The following RNF19A variants were observed in gnomAD, a reference collection of about 807,000 sequenced individuals.
RNF19A encodes the protein ring finger protein 19A, RBR E3 ubiquitin protein ligase, also known as E3 ubiquitin-protein ligase RNF19A.
In RNF19A, 32 loss-of-function variants were observed where a neutral mutation model predicts 75.7. The observed-to-expected ratio is 0.42, with a 90% CI of 0.32 to 0.57. RNF19A has a LOEUF of 0.57. Ranked by LOEUF, RNF19A falls within the 20% of genes least tolerant of loss-of-function variation. The probability of loss-of-function intolerance (pLI) is 0.10; values close to 1 mark genes in which losing one functional copy is unlikely to be tolerated. For synonymous variants in RNF19A, 335 were observed against 345.2 expected (o/e 0.97, Z 0.33); for missense variants, 782 against 1,036.3 (o/e 0.75, Z 3.37).
Position 100,264,668 on chromosome 8 carries a change from T to C in RNF19A, c.1306+3A>G. 6.3e-7 allele frequency: 1 copy of C among 1,588,218 alleles called. No individual in the cohort carries two copies. Among genetic ancestry groups the C allele is most frequent in the Non-Finnish European group, 8.6e-7 (1 of 1,159,838 alleles). On this transcript the variant is annotated splice_donor_region_variant and intron_variant, in intron 6 of 9. Transcript: ENST00000341084. This position sits in a 1 kb window ranked among gnomAD's most constrained non-coding sequence, Gnocchi z 4.7. Reference sequence around the variant, plus strand: ...TAATTAGTACTTTTCAGCATTTTCTTACCTACAGTCACTGCAGCTACTACT... The same window carrying C: ...TAATTAGTACTTTTCAGCATTTTCTCACCTACAGTCACTGCAGCTACTACT...
intron 7 of RNF19A, among the ~76,000 whole-genome samples, chr8:100,263,120 C>T (rs1819803127): frequency 6.6e-6 from 1 of 152,062 alleles, no homozygotes. Context: ...TCGGTCTATG[C>T]ATTATTTAAT....
intron 1 of RNF19A, 77 bp downstream of exon 1, chr8:100,309,790 G>C: frequency 3.0e-6 from 3 of 985,606 alleles, no homozygotes; most frequent in Non-Finnish European, 3.6e-6. Context: ...CCCGGCCAGA[G>C]CTCCCTGGGT....
intron 1 of RNF19A, among the ~76,000 whole-genome samples, chr8:100,302,225 G>GT (rs1821868528): frequency 6.6e-6 from 1 of 152,208 alleles, no homozygotes; most frequent in Non-Finnish European, 1.5e-5. Context: ...AGATGGGGAG[G>GT]TATTAAGGAT....
chr8:100,307,976 A>G (rs1822128082), intron 1 of RNF19A, among the ~76,000 whole-genome samples: 1 of 152,208 alleles, frequency 6.6e-6, no homozygotes, highest in Non-Finnish European at 1.5e-5. Context: ...TGTCTGGTTG[A>G]CAGTATGGAC....
intron 1 of RNF19A, among the ~76,000 whole-genome samples, chr8:100,299,512 C>T (rs984923170): frequency 7.2e-5 from 11 of 152,196 alleles, no homozygotes; most frequent in Admixed American, 2.6e-4. Context: ...GTAATCCCGG[C>T]GCTTTGGGAG....
rs751994115 is a variant in RNF19A, at chr8:100,333,244, G to A, written c.-243+2864C>T. 6.6e-6 allele frequency among the ~76,000 whole-genome samples: 1 copy of A among 152,170 alleles called. No homozygotes were observed. The highest frequency in any genetic ancestry group is 1.5e-5 in the Non-Finnish European group (1 of 68,040). On this transcript the variant is annotated intron_variant, in intron 1 of 3. Transcript: ENST00000519527. This position sits in a 1 kb window ranked among gnomAD's most constrained non-coding sequence, Gnocchi z 4.7. The stretch of plus-strand genomic sequence containing the variant: ...TAGCAAGATGGCCCTCATCAGATGT[G>A]CCCACTCAACCTTGGACTTCCCAGA...
At chr8:100,313,140 T>C (rs895780782), upstream of RNF19A, among the ~76,000 whole-genome samples, 4 of 152,178 alleles carry the variant, frequency 2.6e-5, no homozygotes, top group Non-Finnish European at 5.9e-5. Flanking sequence ...TCGATAAACA[T>C]TTGAATGCTT....
In RNF19A at chr8:100,264,446, C is replaced by T. The variant is rs1819875114; in HGVS notation, c.1306+225G>A. 4 of 584,414 alleles carry T rather than the reference C, an allele frequency of 6.8e-6. No individual in the cohort carries two copies. In the African/African-American group the frequency reaches 7.5e-5, roughly 11 times the overall value. The allele number at this position is 584,414 out of a possible 1,614,324, so 36.2% of individuals were successfully genotyped here. On this transcript the variant is annotated intron_variant, in intron 6 of 9. Coordinates refer to ENST00000341084, the MANE Select transcript of RNF19A (RefSeq NM_183419.4). The surrounding 1 kb of genome is among the most constrained non-coding windows in gnomAD (Gnocchi z 4.7). The stretch of plus-strand genomic sequence containing the variant: ...ACTTTTTTCTTTTGAAGTGCCAGGC[C>T]TCCGAACTGTACTTGGGGTGGAGTG...
intron 1 of RNF19A, among the ~76,000 whole-genome samples, chr8:100,293,900 A>G (rs1033752183): frequency 1.3e-5 from 2 of 151,974 alleles, no homozygotes; most frequent in African/African-American, 2.4e-5. Flanking sequence ...ATCCAGTGAA[A>G]TTTTCATTTT....
At position 100,325,183 on chromosome 8, in the gene RNF19A, T is replaced by C. The variant is rs143521541; in HGVS notation, c.-243+10925A>G. Among the ~76,000 whole-genome samples the C allele has an allele frequency of 0.069, 10,504 of 152,204 alleles. 1,235 individuals carry two copies. The highest frequency in any genetic ancestry group is 0.24 in the African/African-American group (9,810 of 41,478). ...CTGGCCTCCCAAAGTCCTGGGATTA[T>C]AGGCATGAGCCACTGCGCCCAGCTT... On this transcript the variant is annotated intron_variant, in intron 1 of 3. Coordinates refer to the RNF19A transcript ENST00000519527. This position sits in a 1 kb window ranked among gnomAD's most constrained non-coding sequence, Gnocchi z 4.3.
rs1563828449 is a variant in RNF19A at position 100,258,771 on chromosome 8, G to A, written c.2302C>T (p.Leu768=). 1.2e-6 allele frequency: 2 copies of A among 1,614,204 alleles called. No individual in the cohort carries two copies. The highest frequency in any genetic ancestry group is 2.2e-5 in the South Asian group (2 of 91,086). ...CTACACTGATGTGGGGAATTTTCCAGACGGTCATTTTCTACCTCAGGAAGA... is the reference window on the plus strand; with the variant it reads ...CTACACTGATGTGGGGAATTTTCCAAACGGTCATTTTCTACCTCAGGAAGA... The part of the protein sequence containing the change: ...NILPEVENDR[L]ENSPHQCSIS... Residue 768 remains leucine (L), a synonymous_variant, in exon 10 of 10, where the codon CTG becomes TTG. Transcript: ENST00000341084. The surrounding 1 kb of genome is among the most constrained non-coding windows in gnomAD (Gnocchi z 4.3).
rs1333008173 is a variant in RNF19A, at chr8:100,264,399, G to A, written c.1307-204C>T. 1 of 587,636 alleles carries A rather than the reference G, an allele frequency of 1.7e-6. No homozygotes were observed. The highest frequency in any genetic ancestry group is 1.9e-5 in the African/African-American group (1 of 53,696). The allele number at this position is 587,636 out of a possible 1,614,324, so 36.4% of individuals were successfully genotyped here. On this transcript the variant is annotated intron_variant, in intron 6 of 9. Transcript: ENST00000341084. The surrounding 1 kb of genome is among the most constrained non-coding windows in gnomAD (Gnocchi z 4.7). ...CCAGCCTTTCAGGTAATGCACATAA[G>A]GGGAAAAAGAGAGAGATGCAAACTT...
chr8:100,334,299 G>C (rs7818506), intron 1 of RNF19A, among the ~76,000 whole-genome samples: 1 of 152,212 alleles, frequency 6.6e-6, no homozygotes, highest in South Asian at 2.1e-4. Flanking sequence ...AAGGCAGGCA[G>C]TATTAATCAT....
At chr8:100,272,016 T>C (rs1309843850) in intron 3 of RNF19A, among the ~76,000 whole-genome samples, 1 of 152,146 alleles carries the variant, frequency 6.6e-6, no homozygotes, top group African/African-American at 2.4e-5. Flanking sequence ...CATTGTCATA[T>C]TAAGAAAAAA....
At position 100,317,134 on chromosome 8, in the gene RNF19A, GC is replaced by G. The variant is rs1294937566; in HGVS notation, c.-242-3763del. On this transcript the variant is annotated intron_variant, in intron 1 of 3. Transcript: ENST00000519527. The surrounding 1 kb of genome is among the most constrained non-coding windows in gnomAD (Gnocchi z 4.3). The stretch of plus-strand genomic sequence containing the variant: ...TCCAGCTGGCCCGCAAGCGCCGCAC[GC>G]AGCCCAGCCCGGGTTCCCGCTCGCG... Among the ~76,000 whole-genome samples, 1 of 152,232 alleles carries G rather than the reference GC, an allele frequency of 6.6e-6. No individual in the cohort carries two copies. The highest frequency in any genetic ancestry group is 1.5e-5 in the Non-Finnish European group (1 of 68,042).
chr8:100,288,119 T>G lies in RNF19A; in HGVS notation c.56A>C (p.Asn19Thr). The part of the protein sequence containing the change: ...ISKYNEGLCV[N>T]TDPVSILTSI... ...TGTTAGAATTGAGACAGGGTCAGTGTTTACACACAGCCCTTCATTATATTT... is the reference window on the plus strand; with the variant it reads ...TGTTAGAATTGAGACAGGGTCAGTGGTTACACACAGCCCTTCATTATATTT... Residue 19 changes from asparagine (N) to threonine (T), a missense_variant, in exon 2 of 10, where the codon AAC becomes ACC. By Grantham distance (65) the Asn-to-Thr change is moderately conservative. Transcript: ENST00000341084. 1 of 1,614,000 alleles carries G rather than the reference T, an allele frequency of 6.2e-7. No individual in the cohort carries two copies. The highest frequency in any genetic ancestry group is 8.5e-7 in the Non-Finnish European group (1 of 1,179,972).
chr8:100,277,822 C>G (rs1275967686), intron 2 of RNF19A, among the ~76,000 whole-genome samples: 1 of 152,030 alleles, frequency 6.6e-6, no homozygotes, highest in African/African-American at 2.4e-5. Flanking sequence ...TCTAAAGTAT[C>G]TATAAGCTAA....
intron 1 of RNF19A, among the ~76,000 whole-genome samples, chr8:100,321,266 A>G (rs1419992239): frequency 6.6e-6 from 1 of 152,256 alleles, no homozygotes; most frequent in Non-Finnish European, 1.5e-5. Flanking sequence ...TGCTTTATCA[A>G]CTAAGTTTAT....
At chr8:100,276,063 T>C (rs1820494815) in intron 2 of RNF19A, among the ~76,000 whole-genome samples, 1 of 152,210 alleles carries the variant, frequency 6.6e-6, no homozygotes, top group African/African-American at 2.4e-5. Context: ...TCTGACACTT[T>C]AAAAACTTAT....
Sources: allele counts gnomAD v4.1 joint callset (sites outside exome capture counted in the v4.1 genomes callset), GRCh38; gene constraint gnomAD v4.1.1; non-coding constraint Gnocchi (gnomAD v3.1); transcripts MANE v1.5; gene names NCBI Gene and HGNC (gene_info 2026-07-23, HGNC 2026-07-21).